The following OLFM4 variants were observed in gnomAD, a reference collection of about 807,000 sequenced individuals.
The protein encoded by OLFM4 is olfactomedin 4, also known as olfactomedin-4.
OLFM4 carries 22 observed loss-of-function variants against 25.5 expected under a neutral mutation model. That is an observed-to-expected ratio of 0.86 (90% confidence interval 0.62 to 1.23). The LOEUF (loss-of-function observed/expected upper bound fraction) is 1.23. Among genes scored for constraint, OLFM4 ranks in the 50% most tolerant of loss-of-function variants. OLFM4 has a pLI of 0.00. For synonymous variants in OLFM4, 255 were observed against 237.7 expected, an observed-to-expected ratio of 1.07 and a Z score of -0.67; for missense variants, 594 against 619.4, an observed-to-expected ratio of 0.96 and a Z score of 0.44.
rs990223137 is a variant in OLFM4 at position 53,043,970 on chromosome 13, G to A, written c.730+706G>A. ...AAATATACCCATGAACAGAGGCAGT[G>A]GAGTGTAGGGTACAAGAACATAGCT... On this transcript the variant is annotated intron_variant, in intron 4 of 4. Coordinates refer to ENST00000219022, the MANE Select transcript of OLFM4 (RefSeq NM_006418.5). Among the ~76,000 whole-genome samples, 7 of 152,184 alleles carry A rather than the reference G, an allele frequency of 4.6e-5. No individual in the cohort carries two copies. The East Asian group carries it at 1.2e-3, about 25-fold the overall frequency.
At position 53,050,709 on chromosome 13, in the gene OLFM4, T is replaced by C. The variant is rs758852130; in HGVS notation, c.1471T>C (p.Tyr491His). Reference protein sequence around the residue: ...INYNPFDQKLYVYNDGYLLNY... With the variant: ...INYNPFDQKLHVYNDGYLLNY... Reference sequence around the variant, plus strand: ...CTATAACCCTTTTGACCAGAAACTTTATGTCTATAACGATGGTTACCTTCT... The same window carrying C: ...CTATAACCCTTTTGACCAGAAACTTCATGTCTATAACGATGGTTACCTTCT... Residue 491 changes from tyrosine to histidine, a missense_variant, in exon 5 of 5, where the codon TAT becomes CAT. Tyr to His is a moderately conservative substitution (Grantham distance 83). Coordinates refer to ENST00000219022, the MANE Select transcript of OLFM4 (RefSeq NM_006418.5). 11 of 1,613,308 alleles carry C rather than the reference T, an allele frequency of 6.8e-6. No homozygotes were observed. Among genetic ancestry groups the C allele is most frequent in the Admixed American group, 1.7e-5 (1 of 59,902 alleles).
intron 1 of OLFM4, 83 bp from the exon 2 acceptor site, chr13:53,034,265 C>A: frequency 6.9e-7 from 1 of 1,439,102 alleles, no homozygotes; most frequent in Non-Finnish European, 9.6e-7. Flanking sequence ...TAAGTACTCT[C>A]GACAAGCCAA....
intron 1 of OLFM4, among the ~76,000 whole-genome samples, chr13:53,030,636 A>C (rs1314415691): frequency 6.6e-6 from 1 of 152,162 alleles, no homozygotes; most frequent in Admixed American, 6.5e-5. Context: ...GGTAGGTACA[A>C]TTAATGGTCC....
At chr13:53,045,101 G>A (rs1433359174) in intron 4 of OLFM4, among the ~76,000 whole-genome samples, 2 of 152,232 alleles carry the variant, frequency 1.3e-5, no homozygotes, top group East Asian at 3.9e-4. Context: ...AAGGGTCTTT[G>A]CTCCCTGGTC....
intron 4 of OLFM4, 58 bp from the exon 5 acceptor site, chr13:53,049,911 T>C: frequency 2.0e-6 from 3 of 1,485,388 alleles, no homozygotes; most frequent in Non-Finnish European, 2.7e-6. Flanking sequence ...TATTAAACTA[T>C]TTGTATCCTG....
Position 53,050,807 on chromosome 13 carries a change from G to A in OLFM4, c.*36G>A, listed in dbSNP as rs770475139. ...AGTTAGGGTGAAAGAGAAAATGTTTGTTGAAAAAATAGTCTTCTCCACTTA... is the reference window on the plus strand; with the variant it reads ...AGTTAGGGTGAAAGAGAAAATGTTTATTGAAAAAATAGTCTTCTCCACTTA... On this transcript the variant is annotated 3_prime_UTR_variant, in exon 5 of 5. Coordinates refer to ENST00000219022, the MANE Select transcript of OLFM4 (RefSeq NM_006418.5). The A allele has an allele frequency of 1.1e-5, 17 of 1,520,930 alleles. No individual in the cohort carries two copies. The highest frequency in any genetic ancestry group is 1.5e-5 in the Non-Finnish European group (17 of 1,137,410). The allele number at this position is 1,520,930 out of a possible 1,614,324, so 94.2% of individuals were successfully genotyped here.
rs960296771 is a variant in OLFM4 at position 53,043,045 on chromosome 13, A to G, written c.571-60A>G. 3 of 1,347,096 alleles carry G rather than the reference A, an allele frequency of 2.2e-6. No homozygotes were observed. In the African/African-American group the frequency reaches 4.4e-5, roughly 20 times the overall value. 83.4% of individuals were successfully genotyped at this position (1,347,096 alleles called of 1,614,324 possible). ...CACTAAATGACAAATTCAGCCCTGG[A>G]ATGTTTATGAAAGAAATTGCACCAT... On this transcript the variant is annotated intron_variant, in intron 3 of 4. Coordinates refer to ENST00000219022, the MANE Select transcript of OLFM4 (RefSeq NM_006418.5).
intron 1 of OLFM4, among the ~76,000 whole-genome samples, chr13:53,031,837 G>T (rs1175383348): frequency 1.3e-5 from 2 of 152,224 alleles, no homozygotes; most frequent in Non-Finnish European, 2.9e-5. Context: ...TTGCCCTACA[G>T]AAGGGGAATC....
chr13:53,040,566 C>T (rs528317536), intron 2 of OLFM4, among the ~76,000 whole-genome samples: 19 of 152,304 alleles, frequency 1.2e-4, no homozygotes, highest in African/African-American at 4.1e-4. Flanking sequence ...TGGTGTTGGC[C>T]GTGGCAACGA....
chr13:53,050,895 T>A lies in OLFM4; in HGVS notation c.*124T>A. ...TTTGCAGCAATGTTTAGGTGCATAG[T>A]TCTACCACACTAGAGATCTAGGACA... On this transcript the variant is annotated 3_prime_UTR_variant, in exon 5 of 5. Transcript: ENST00000219022. 1.3e-6 allele frequency: 1 copy of A among 765,826 alleles called. No individual in the cohort carries two copies. Among genetic ancestry groups the A allele is most frequent in the Non-Finnish European group, 2.1e-6 (1 of 486,550 alleles). 47.4% of individuals were successfully genotyped at this position (765,826 alleles called of 1,614,324 possible).
chr13:53,039,778 G>A (rs987316395), intron 2 of OLFM4, among the ~76,000 whole-genome samples: 1 of 152,084 alleles, frequency 6.6e-6, no homozygotes, highest in East Asian at 1.9e-4. Context: ...GTCATCCTCC[G>A]AGTTATGGTA....
intron 2 of OLFM4, among the ~76,000 whole-genome samples, chr13:53,036,698 G>A (rs1239736240): frequency 1.3e-5 from 2 of 152,144 alleles, no homozygotes; most frequent in African/African-American, 2.4e-5. Flanking sequence ...TAGTGTGACA[G>A]GTGATAATAA....
chr13:53,039,196 G>C (rs3803259), intron 2 of OLFM4, among the ~76,000 whole-genome samples: 66,992 of 152,124 alleles, frequency 0.44, 15,943 homozygotes, highest in Middle Eastern at 0.61. Flanking sequence ...AGAAGCTGAG[G>C]GTGTTTCATT....
chr13:53,046,839 A>T (rs1270763457), intron 4 of OLFM4, among the ~76,000 whole-genome samples: 3 of 152,222 alleles, frequency 2.0e-5, no homozygotes, highest in Non-Finnish European at 2.9e-5. Context: ...CAGAAGGTTA[A>T]GTAACTTGCT....
intron 4 of OLFM4, among the ~76,000 whole-genome samples, chr13:53,046,932 A>T (rs1174319932): frequency 6.6e-6 from 1 of 152,210 alleles, no homozygotes; most frequent in African/African-American, 2.4e-5. Context: ...TGCCTTCCAT[A>T]GCTGCTCTAA....
intron 3 of OLFM4, 102 bp downstream of exon 3, chr13:53,042,224 T>TA: frequency 1.0e-6 from 1 of 979,472 alleles, no homozygotes; most frequent in Non-Finnish European, 1.6e-6. Flanking sequence ...TTCCAACTTC[T>TA]AATTCTCTAC....
rs531327299 is a variant in OLFM4, at chr13:53,050,041, C to T, written c.803C>T (p.Ser268Phe). Residue 268 changes from serine to phenylalanine, a missense_variant, in exon 5 of 5, where the codon TCT (serine) becomes TTT (phenylalanine). Coordinates refer to ENST00000219022, the MANE Select transcript of OLFM4 (RefSeq NM_006418.5). Reference protein sequence around the residue: ...SVVQLNWRGFSYLYGAWGRDY... With the variant: ...SVVQLNWRGFFYLYGAWGRDY... ...GTTCAGCTCAACTGGAGAGGGTTTT[C>T]TTATCTATATGGTGCTTGGGGTAGG... 6.2e-7 allele frequency: 1 copy of T among 1,613,816 alleles called. No individual in the cohort carries two copies. Among genetic ancestry groups the T allele is most frequent in the African/African-American group, 1.3e-5 (1 of 75,004 alleles).
chr13:53,033,308 A>T (rs1333588237), intron 1 of OLFM4, among the ~76,000 whole-genome samples: 2 of 152,226 alleles, frequency 1.3e-5, no homozygotes, highest in Non-Finnish European at 2.9e-5. Context: ...TATTAAAAAA[A>T]ATTGCACAAA....
At chr13:53,048,956 T>A (rs1264908514) in intron 4 of OLFM4, among the ~76,000 whole-genome samples, 2 of 152,210 alleles carry the variant, frequency 1.3e-5, no homozygotes, top group Admixed American at 1.3e-4. Context: ...CTTTATTTTA[T>A]TTTTATAGCT....
Sources: gnomAD v4.1 joint callset for allele counts (sites outside exome capture counted in the v4.1 genomes callset) on GRCh38, gnomAD v4.1.1 for gene constraint, MANE v1.5 for transcripts, NCBI Gene and HGNC (gene_info 2026-07-23, HGNC 2026-07-21) for gene names.